C12orf56: variants seen among roughly 807,000 people sequenced by gnomAD.
The protein encoded by C12orf56 is chromosome 12 open reading frame 56, also known as uncharacterized protein C12orf56.
A neutral mutation model predicts 69.9 loss-of-function variants in C12orf56; 71 were observed. The observed-to-expected ratio is 1.02, with a 90% confidence interval of 0.84 to 1.24. The LOEUF (loss-of-function observed/expected upper bound fraction) is 1.24. Ranked by LOEUF, C12orf56 falls within the 50% of genes most tolerant of loss-of-function variation. The pLI is 0.00. For synonymous variants in C12orf56, 276 were observed against 274.1 expected (o/e 1.01, Z -0.07); for missense variants, 732 against 738.5 (o/e 0.99, Z 0.10).
chr12:64,357,031 A>G (rs1258758244), intron 1 of C12orf56, among the ~76,000 whole-genome samples: 2 of 152,170 alleles, frequency 1.3e-5, no homozygotes, highest in African/African-American at 4.8e-5. Flanking sequence ...GATTCTAATT[A>G]TAAGAAAGAA....
At chr12:64,267,992 C>T (rs959237019) in intron 12 of C12orf56, among the ~76,000 whole-genome samples, 1 of 151,942 alleles carries the variant, frequency 6.6e-6, no homozygotes, top group Non-Finnish European at 1.5e-5. Flanking sequence ...GTTGAGCATC[C>T]CTAATATGAA....
intron 2 of C12orf56, chr12:64,338,156 T>G: frequency 7.1e-6 from 4 of 563,368 alleles, no homozygotes; most frequent in South Asian, 5.7e-5. Context: ...GAGGACGAGC[T>G]CCACCTCCCG....
chr12:64,348,473 A>G (rs983638478), intron 2 of C12orf56, among the ~76,000 whole-genome samples: 1 of 152,212 alleles, frequency 6.6e-6, no homozygotes, highest in Non-Finnish European at 1.5e-5. Flanking sequence ...GTAATCTGGT[A>G]TTCTATTTCA....
chr12:64,310,489 C>T (rs1008781720), intron 5 of C12orf56, among the ~76,000 whole-genome samples: 1 of 152,074 alleles, frequency 6.6e-6, no homozygotes, highest in African/African-American at 2.4e-5. Context: ...ATCCTGAACT[C>T]GTTACGGTTC....
chr12:64,288,765 G>C (rs2038243503), intron 6 of C12orf56, among the ~76,000 whole-genome samples: 2 of 148,546 alleles, frequency 1.3e-5, no homozygotes, highest in Non-Finnish European at 3.0e-5. Flanking sequence ...TTGTAGTATA[G>C]TTTGAAGTCA....
intron 3 of C12orf56, among the ~76,000 whole-genome samples, chr12:64,320,840 C>T (rs2038762735): frequency 6.6e-6 from 1 of 152,154 alleles, no homozygotes; most frequent in South Asian, 2.1e-4. Context: ...TGGAAACTGA[C>T]CAGTTTTCCA....
chr12:64,381,221 C>T (rs1452875487), intron 1 of C12orf56, among the ~76,000 whole-genome samples: 1 of 151,868 alleles, frequency 6.6e-6, no homozygotes, highest in Non-Finnish European at 1.5e-5. Flanking sequence ...TGAGTCAGTT[C>T]CTGGGTGGGG....
At chr12:64,316,495 C>T (rs983343540) in intron 4 of C12orf56, among the ~76,000 whole-genome samples, 7 of 152,310 alleles carry the variant, frequency 4.6e-5, no homozygotes, top group Non-Finnish European at 1.0e-4. Context: ...AACGATCCTG[C>T]TGTCTCAGCC....
In C12orf56 at chr12:64,390,517, G is replaced by A; in HGVS notation, c.49C>T (p.Leu17=). 1.3e-6 allele frequency: 2 copies of A among 1,599,060 alleles called. No individual in the cohort carries two copies. Among genetic ancestry groups the A allele is most frequent in the Admixed American group, 3.3e-5 (2 of 59,938 alleles). The change falls in exon 1 of 13, where the codon CTG becomes TTG. Residue 17 remains leucine, a synonymous_variant. Coordinates refer to ENST00000543942, the MANE Select transcript of C12orf56 (RefSeq NM_001170633.2). ...SGFPARRNSR[L]DVFLRRHLPP... is the part of the protein sequence containing the mutation. ...AGATGCCGCCGCAGGAACACATCCA[G>A]GCGGCTGTTCCTGCGCGCGGGGAAG... is the stretch of plus-strand genomic sequence containing the variant.
chr12:64,296,513 C>T (rs1387658043), intron 6 of C12orf56, among the ~76,000 whole-genome samples: 1 of 152,144 alleles, frequency 6.6e-6, no homozygotes, highest in Admixed American at 6.5e-5. Context: ...GAGGAATTTG[C>T]CTCAGGATGA....
At chr12:64,341,176 T>C (rs1196772127) in intron 2 of C12orf56, among the ~76,000 whole-genome samples, 1 of 152,174 alleles carries the variant, frequency 6.6e-6, no homozygotes, top group African/African-American at 2.4e-5. Flanking sequence ...TTGTGTCTCC[T>C]GGTGGCAGCA....
At chr12:64,308,942 AGAAAGAAAG>A (rs1565748975) in intron 5 of C12orf56, among the ~76,000 whole-genome samples, 2 of 68,610 alleles carry the variant, frequency 2.9e-5, no homozygotes, top group African/African-American at 9.7e-5. Context: ...GAAAGAAAGA[AGAAAGAAAG>A]AAAGAAAGAA....
At chr12:64,270,753 C>G in intron 11 of C12orf56, 39 bp from the exon 12 acceptor site, 1 of 1,518,984 alleles carries the variant, frequency 6.6e-7, no homozygotes, top group Non-Finnish European at 8.9e-7. Flanking sequence ...GGCTGTGTGC[C>G]ACCCACAAAA....
chr12:64,308,116 C>T (rs1048140344), intron 5 of C12orf56, among the ~76,000 whole-genome samples: 3 of 151,930 alleles, frequency 2.0e-5, no homozygotes, highest in South Asian at 2.1e-4. Flanking sequence ...CTTAGGATTT[C>T]GAGACCAGCC....
Position 64,265,201 on chromosome 12 carries a change from T to C in C12orf56, c.*1982A>G, listed in dbSNP as rs2037908936. 6.6e-6 allele frequency: 1 copy of C among 152,196 alleles called. No homozygotes were observed. Among genetic ancestry groups the C allele is most frequent in the African/African-American group, 2.4e-5 (1 of 41,430 alleles). The allele number at this position is 152,196 out of a possible 1,614,324, so 9.4% of individuals were successfully genotyped here. ...CAAGAATCTTTTCATATTCCTTTGATTGACCGTCTCTTGAAAATAATCCCC... is the reference window on the plus strand; with the variant it reads ...CAAGAATCTTTTCATATTCCTTTGACTGACCGTCTCTTGAAAATAATCCCC... On this transcript the variant is annotated 3_prime_UTR_variant, in exon 13 of 13. Coordinates refer to ENST00000543942, the MANE Select transcript of C12orf56 (RefSeq NM_001170633.2).
chr12:64,359,923 C>T (rs906634636), intron 1 of C12orf56, among the ~76,000 whole-genome samples: 1 of 151,884 alleles, frequency 6.6e-6, no homozygotes, highest in African/African-American at 2.4e-5. Context: ...CCATGTTGGC[C>T]AGGCTGGTCT....
intron 8 of C12orf56, among the ~76,000 whole-genome samples, chr12:64,282,298 C>T (rs1247266428): frequency 6.6e-6 from 1 of 152,268 alleles, no homozygotes; most frequent in East Asian, 1.9e-4. Flanking sequence ...AGCCTACAGC[C>T]TGTTTCTGTG....
Position 64,301,352 on chromosome 12 carries a change from T to G in C12orf56, c.1113+2283A>C, listed in dbSNP as rs938508996. Among the ~76,000 whole-genome samples, 23 of 152,060 alleles carry G rather than the reference T, an allele frequency of 1.5e-4. 1 individual carries two copies. The highest frequency in any genetic ancestry group is 1.2e-3 in the Admixed American group (19 of 15,264). On this transcript the variant is annotated intron_variant, in intron 6 of 12. Transcript: ENST00000543942. ...GAAGGAATTCTTAACAGGACCTGTT[T>G]AGAATTAAACAAGTTTTACTGGGGG...
At chr12:64,306,767 A>T (rs1425982619) in intron 5 of C12orf56, among the ~76,000 whole-genome samples, 1 of 152,208 alleles carries the variant, frequency 6.6e-6, no homozygotes. Flanking sequence ...TTTGTAAAGC[A>T]CTGGAAAGGC....
Sources: allele counts gnomAD v4.1 joint callset (sites outside exome capture counted in the v4.1 genomes callset), GRCh38; gene constraint gnomAD v4.1.1; transcripts MANE v1.5; gene names NCBI Gene and HGNC (gene_info 2026-07-23, HGNC 2026-07-21).